The following TACC2 variants were observed in gnomAD, a reference collection of about 807,000 sequenced individuals.
The protein encoded by TACC2 is transforming acidic coiled-coil containing protein 2.
TACC2 carries 137 observed loss-of-function variants against 227.3 expected under a neutral mutation model. The observed-to-expected ratio is 0.60, with a 90% confidence interval of 0.52 to 0.69. The LOEUF is 0.69. Ranked by LOEUF, TACC2 falls within the 30% of genes least tolerant of loss-of-function variation. The pLI is 0.00. For synonymous variants in TACC2, 1,523 were observed against 1,487.5 expected, an observed-to-expected ratio of 1.02 and a Z score of -0.55; for missense variants, 3,470 against 3,694.4, an observed-to-expected ratio of 0.94 and a Z score of 1.57.
chr10:122,178,416 T>C (rs2093827407), intron 7 of TACC2, among the ~76,000 whole-genome samples: 2 of 152,078 alleles, frequency 1.3e-5, no homozygotes, highest in Non-Finnish European at 2.9e-5. Flanking sequence ...TTTGTATTTT[T>C]AGTAGAGGCA....
intron 3 of TACC2, among the ~76,000 whole-genome samples, chr10:122,064,831 A>G (rs1375720616): frequency 6.6e-6 from 1 of 152,138 alleles, no homozygotes; most frequent in African/African-American, 2.4e-5. Flanking sequence ...TTGGTATCAG[A>G]TACATACTGT....
intron 1 of TACC2, among the ~76,000 whole-genome samples, chr10:122,005,250 T>C (rs1178356359): frequency 2.6e-5 from 4 of 151,516 alleles, no homozygotes; most frequent in Admixed American, 2.6e-4. Flanking sequence ...CCCCACTAAG[T>C]TTTTTGTATT....
chr10:122,095,570 A>G (rs911307891), intron 5 of TACC2, among the ~76,000 whole-genome samples: 1 of 152,192 alleles, frequency 6.6e-6, no homozygotes, highest in African/African-American at 2.4e-5. Flanking sequence ...AGATGAGGAA[A>G]TGGAGGCTCC....
In TACC2 at chr10:122,249,561, C is replaced by A. The variant is rs770435787; in HGVS notation, c.8678C>A (p.Ala2893Asp). The stretch of plus-strand genomic sequence containing the variant: ...CTCCGCAGGGCCAATGCTGAGATTG[C>A]TCAGGTTCGAGGCAAGGCCCAGCAG... ...EKLDRANAEI[A>D]QVRGKAQQEQ... The change falls in exon 22 of 23, where the codon GCT becomes GAT. Residue 2893 changes from alanine (A) to aspartate (D), a missense_variant. Transcript: ENST00000369005. 1.9e-6 allele frequency: 3 copies of A among 1,614,144 alleles called. No homozygotes were observed. In the South Asian group the frequency reaches 3.3e-5, roughly 18 times the overall value.
At chr10:122,168,805 G>A (rs751101329) in intron 7 of TACC2, among the ~76,000 whole-genome samples, 1 of 152,156 alleles carries the variant, frequency 6.6e-6, no homozygotes, top group Non-Finnish European at 1.5e-5. Flanking sequence ...CTGTTTCTGT[G>A]GCTAGATTTT....
chr10:122,057,143 G>A (rs917746107), intron 3 of TACC2, among the ~76,000 whole-genome samples: 45 of 152,172 alleles, frequency 3.0e-4, no homozygotes, highest in Non-Finnish European at 1.2e-4. Context: ...AGTGAGGTGA[G>A]ATCATGCCAC....
intron 5 of TACC2, among the ~76,000 whole-genome samples, chr10:122,107,882 T>TA (rs1565320510): frequency 2.2e-4 from 20 of 90,794 alleles, no homozygotes; most frequent in Middle Eastern, 6.0e-3. Context: ...ATATATATAT[T>TA]TTTTTTTTCT....
chr10:122,244,970 A>G (rs2096077388), intron 19 of TACC2: 1 of 152,330 alleles, frequency 6.6e-6, no homozygotes, highest in Non-Finnish European at 1.5e-5. Context: ...AGGTTGTTGC[A>G]ATTGATTTTT....
chr10:122,141,651 A>G lies in TACC2; in HGVS notation c.5700-1921A>G, dbSNP rs1261428059. ...TCACAGAGCTGGCTTTGTTGTGATTAGCAGCGGGCCACAGATCTAAGGTAG... is the reference window on the plus strand; with the variant it reads ...TCACAGAGCTGGCTTTGTTGTGATTGGCAGCGGGCCACAGATCTAAGGTAG... On this transcript the variant is annotated intron_variant, in intron 6 of 22. Coordinates refer to ENST00000369005, the MANE Select transcript of TACC2 (RefSeq NM_206862.4). The surrounding 1 kb of genome is among the most constrained non-coding windows in gnomAD (Gnocchi z 4.3). Among the ~76,000 whole-genome samples, 1 of 152,072 alleles carries G rather than the reference A, an allele frequency of 6.6e-6. No individual in the cohort carries two copies. Among genetic ancestry groups the G allele is most frequent in the Admixed American group, 6.6e-5 (1 of 15,266 alleles).
Position 122,011,434 on chromosome 10 carries a change from A to C in TACC2, c.-45-10503A>C, listed in dbSNP as rs552424987. Among the ~76,000 whole-genome samples the C allele has an allele frequency of 3.0e-3, 451 of 152,174 alleles. 2 individuals are homozygous for C. The highest frequency in any genetic ancestry group is 0.01 in the African/African-American group (432 of 41,532). ...AACCTCCACTTCCCGGGTTCAAGCG[A>C]TTCTCCTGCCTTAGCCTCCCGAGTA... is the stretch of plus-strand genomic sequence containing the variant. On this transcript the variant is annotated intron_variant, in intron 1 of 22. Transcript: ENST00000369005.
chr10:122,061,937 G>A (rs2136437544), intron 3 of TACC2, among the ~76,000 whole-genome samples: 1 of 151,958 alleles, frequency 6.6e-6, no homozygotes, highest in South Asian at 2.1e-4. Flanking sequence ...ACAGTCCCAG[G>A]CAGAGAACAG....
intron 5 of TACC2, among the ~76,000 whole-genome samples, chr10:122,120,767 CT>C (rs569295267): frequency 5.1e-4 from 75 of 147,398 alleles, no homozygotes; most frequent in East Asian, 5.9e-4. Flanking sequence ...TTCTTTCTTT[CT>C]TTTTTTTTTT....
intron 1 of TACC2, among the ~76,000 whole-genome samples, chr10:121,996,797 G>A (rs1461063087): frequency 3.9e-5 from 6 of 152,098 alleles, no homozygotes; most frequent in African/African-American, 1.4e-4. Context: ...CAGAGACATT[G>A]ATGGGAGATT....
intron 6 of TACC2, among the ~76,000 whole-genome samples, chr10:122,136,699 G>A (rs1592461628): frequency 1.3e-5 from 2 of 151,820 alleles, no homozygotes; most frequent in African/African-American, 4.8e-5. Context: ...GATTACAGGC[G>A]TGCACCACCA....
intron 7 of TACC2, among the ~76,000 whole-genome samples, chr10:122,159,868 G>C (rs926388845): frequency 1.3e-5 from 2 of 152,134 alleles, no homozygotes; most frequent in Non-Finnish European, 2.9e-5. Context: ...GAGTCTTGCT[G>C]CTATGGCAAC....
chr10:122,074,835 A>G (rs2078586602), intron 3 of TACC2, among the ~76,000 whole-genome samples: 1 of 152,114 alleles, frequency 6.6e-6, no homozygotes, highest in South Asian at 2.1e-4. Flanking sequence ...TTTTATTCTG[A>G]TTTCATGTCA....
At chr10:122,078,777 G>T (rs1442191387) in intron 3 of TACC2, among the ~76,000 whole-genome samples, 1 of 152,230 alleles carries the variant, frequency 6.6e-6, no homozygotes, top group African/African-American at 2.4e-5. Context: ...GCTTTAATCT[G>T]GCTTTAAAAA....
intron 8 of TACC2, among the ~76,000 whole-genome samples, chr10:122,198,190 G>C (rs1208180551): frequency 6.6e-6 from 1 of 152,208 alleles, no homozygotes; most frequent in African/African-American, 2.4e-5. Flanking sequence ...AGATGTGTGG[G>C]CCAGAGCAGT....
chr10:122,224,682 C>T (rs781351475), intron 11 of TACC2, 44 bp from the exon 12 acceptor site: 5 of 1,587,368 alleles, frequency 3.1e-6, no homozygotes, highest in Admixed American at 3.3e-5. Flanking sequence ...GCACTAACCT[C>T]ACCTTTTGTT....
Sources: allele counts gnomAD v4.1 joint callset (sites outside exome capture counted in the v4.1 genomes callset), GRCh38; gene constraint gnomAD v4.1.1; non-coding constraint Gnocchi (gnomAD v3.1); transcripts MANE v1.5; gene names NCBI Gene and HGNC (gene_info 2026-07-23, HGNC 2026-07-21).